MGAT5: variants seen among roughly 807,000 people sequenced by gnomAD.
The protein encoded by MGAT5 is alpha-1,6-mannosylglycoprotein 6-beta-N-acetylglucosaminyltransferase A.
In MGAT5, 30 loss-of-function variants were observed where a neutral mutation model predicts 94.3. The ratio of observed to expected loss-of-function variants is 0.32; its 90% CI spans 0.24 to 0.43. The LOEUF is 0.43. Among genes scored for constraint, MGAT5 ranks in the 20% least tolerant of loss-of-function variants. The pLI is 1.00. For missense variants in MGAT5, 691 were observed against 905.5 expected (o/e 0.76, Z 3.04); for synonymous variants, 310 against 322.9 (o/e 0.96, Z 0.43).
At chr2:134,386,475 A>C (rs1432625187) in intron 10 of MGAT5, among the ~76,000 whole-genome samples, 2 of 152,226 alleles carry the variant, frequency 1.3e-5, no homozygotes, top group Non-Finnish European at 2.9e-5. Context: ...AGTAAATCGC[A>C]CTGCTTTAGT....
At chr2:134,202,934 C>T (rs13389545) in intron 1 of MGAT5, among the ~76,000 whole-genome samples, 3 of 152,130 alleles carry the variant, frequency 2.0e-5, no homozygotes, top group African/African-American at 7.2e-5. Context: ...CATGTAAATG[C>T]GTGGGCCCAC....
At chr2:134,346,030 A>G (rs1025937475) in intron 8 of MGAT5, among the ~76,000 whole-genome samples, 3 of 152,236 alleles carry the variant, frequency 2.0e-5, no homozygotes, top group African/African-American at 7.2e-5. Flanking sequence ...AAGCAAAACT[A>G]AAAACTTGCT....
At chr2:134,282,721 T>C (rs979328727) in intron 2 of MGAT5, among the ~76,000 whole-genome samples, 2 of 152,080 alleles carry the variant, frequency 1.3e-5, no homozygotes, top group Admixed American at 6.5e-5. Flanking sequence ...TGGTGAAAAA[T>C]GCTTGAGGAA....
intron 1 of MGAT5, among the ~76,000 whole-genome samples, chr2:134,196,266 A>T (rs1237713992): frequency 6.6e-6 from 1 of 152,124 alleles, no homozygotes; most frequent in African/African-American, 2.4e-5. Context: ...TTGGGAATTT[A>T]CCTATTGTTG....
intron 2 of MGAT5, among the ~76,000 whole-genome samples, chr2:134,281,514 T>C (rs1276296447): frequency 1.3e-5 from 2 of 152,304 alleles, no homozygotes; most frequent in East Asian, 1.9e-4. Flanking sequence ...CCTATTGGCT[T>C]TGCCTGACCT....
At chr2:134,141,417 T>C (rs963289175) in intron 1 of MGAT5, among the ~76,000 whole-genome samples, 2 of 151,284 alleles carry the variant, frequency 1.3e-5, no homozygotes, top group Non-Finnish European at 2.9e-5. Flanking sequence ...CTTAGCCTAA[T>C]GTAGGCTCTT....
intron 1 of MGAT5, among the ~76,000 whole-genome samples, chr2:134,158,716 G>C (rs1409669530): frequency 6.6e-6 from 1 of 152,210 alleles, no homozygotes; most frequent in Non-Finnish European, 1.5e-5. Context: ...TGTCCCACCT[G>C]TGCCTCCCCT....
rs1476220150 is a variant in MGAT5, at chr2:134,448,656, G to A, written c.2035G>A (p.Val679Met). Residue 679 changes from valine to methionine, a missense_variant, in exon 16 of 16, where the codon GTG (valine) becomes ATG (methionine). By Grantham distance (21) the Val-to-Met change is conservative. Coordinates refer to ENST00000281923, the MANE Select transcript of MGAT5 (RefSeq NM_002410.5). The part of the protein sequence containing the change: ...NKDKDMLKYK[V>M]TCQSSELAKD... ...CTTTCTCTTCCTCTTCAGGTACAAG[G>A]TGACCTGCCAAAGCTCAGAGCTGGC... The A allele has an allele frequency of 6.2e-7, 1 of 1,614,152 alleles. No homozygotes were observed. The highest frequency in any genetic ancestry group is 1.7e-5 in the Admixed American group (1 of 60,022).
At chr2:134,298,182 G>A (rs574315965) in intron 2 of MGAT5, among the ~76,000 whole-genome samples, 1 of 152,168 alleles carries the variant, frequency 6.6e-6, no homozygotes, top group South Asian at 2.1e-4. Context: ...TGCCACCTCC[G>A]CCTCCTGGGT....
intron 4 of MGAT5, among the ~76,000 whole-genome samples, chr2:134,331,342 T>C (rs1198539558): frequency 1.3e-5 from 2 of 152,122 alleles, no homozygotes; most frequent in Non-Finnish European, 1.5e-5. Context: ...TCTTTGTTTG[T>C]TTTTGTTTTC....
chr2:134,384,482 C>CCACAAAATA (rs1681842823), intron 10 of MGAT5, among the ~76,000 whole-genome samples: 4 of 152,156 alleles, frequency 2.6e-5, no homozygotes, highest in Non-Finnish European at 5.9e-5. Context: ...ACTCCTAGTT[C>CCACAAAATA]TTACTAGAAC....
intron 1 of MGAT5, among the ~76,000 whole-genome samples, chr2:134,187,677 T>C (rs1689114151): frequency 6.6e-6 from 1 of 152,234 alleles, no homozygotes; most frequent in South Asian, 2.1e-4. Context: ...TTTGTTGCTA[T>C]GTCCCGAGTG....
At chr2:134,213,557 C>A (rs960736900) in intron 1 of MGAT5, among the ~76,000 whole-genome samples, 1 of 152,168 alleles carries the variant, frequency 6.6e-6, no homozygotes, top group Non-Finnish European at 1.5e-5. Flanking sequence ...CACAAAACTG[C>A]CCCCACTTCA....
chr2:134,236,808 T>C (rs1408798277), intron 1 of MGAT5, among the ~76,000 whole-genome samples: 1 of 152,132 alleles, frequency 6.6e-6, no homozygotes, highest in Non-Finnish European at 1.5e-5. Flanking sequence ...TGTTTCTAAG[T>C]GCAGGGACTC....
At chr2:134,247,379 A>C (rs1224587174) in intron 1 of MGAT5, among the ~76,000 whole-genome samples, 1 of 150,994 alleles carries the variant, frequency 6.6e-6, no homozygotes, top group Admixed American at 6.6e-5. Context: ...AAAAAACAAA[A>C]AAAAAACGTA....
Position 134,450,506 on chromosome 2 carries a change from A to G in MGAT5, c.*1659A>G, listed in dbSNP as rs651970. On this transcript the variant is annotated 3_prime_UTR_variant, in exon 16 of 16. Coordinates refer to ENST00000281923, the MANE Select transcript of MGAT5 (RefSeq NM_002410.5). ...GAAGTTACATTCTGCTTCTTTCTCA[A>G]TTGCTACACAAATGTGCAGCCAGCC... The G allele has an allele frequency of 0.7, 106,287 of 152,182 alleles. 37,382 individuals are homozygous for G. The highest frequency in any genetic ancestry group is 0.83 in the South Asian group (3,985 of 4,826). The allele number at this position is 152,182 out of a possible 1,614,324, so 9.4% of individuals were successfully genotyped here. A position where few individuals can be genotyped will look rare whatever the true frequency, so the allele number is the denominator to read the frequency against.
At chr2:134,190,770 C>T (rs565375067) in intron 1 of MGAT5, among the ~76,000 whole-genome samples, 7 of 152,198 alleles carry the variant, frequency 4.6e-5, no homozygotes, top group African/African-American at 1.4e-4. Context: ...GTCAGCCTCC[C>T]GAGTAGCTAG....
chr2:134,351,620 A>G (rs1679390447), intron 9 of MGAT5, among the ~76,000 whole-genome samples: 1 of 152,200 alleles, frequency 6.6e-6, no homozygotes, highest in Non-Finnish European at 1.5e-5. Flanking sequence ...CTTAAAATGT[A>G]ACTGAAGACA....
chr2:134,410,476 T>C (rs1683586460), intron 11 of MGAT5, among the ~76,000 whole-genome samples: 1 of 152,242 alleles, frequency 6.6e-6, no homozygotes, highest in Non-Finnish European at 1.5e-5. Context: ...TTGTATTTGC[T>C]TAGGCTTCAT....
Sources: gnomAD v4.1 joint callset for allele counts (sites outside exome capture counted in the v4.1 genomes callset) on GRCh38, gnomAD v4.1.1 for gene constraint, MANE v1.5 for transcripts, NCBI Gene and HGNC (gene_info 2026-07-23, HGNC 2026-07-21) for gene names.